CTNNA2: variants seen among roughly 807,000 people sequenced by gnomAD.
CTNNA2 encodes the protein catenin alpha 2.
Under a neutral mutation model 101.0 loss-of-function variants are expected in CTNNA2, and 42 were observed. The observed-to-expected ratio is 0.42, with a 90% CI of 0.32 to 0.54. The LOEUF is 0.54. Ranked by LOEUF, CTNNA2 falls within the 20% of genes least tolerant of loss-of-function variation. CTNNA2 has a pLI of 0.14. For missense variants in CTNNA2, 871 were observed against 1,223.1 expected, an observed-to-expected ratio of 0.71 and a Z score of 4.29; for synonymous variants, 450 against 456.4, an observed-to-expected ratio of 0.99 and a Z score of 0.18.
chr2:79,386,942 G>A (rs2104468438), intron 4 of CTNNA2, among the ~76,000 whole-genome samples: 2 of 152,278 alleles, frequency 1.3e-5, no homozygotes, highest in Admixed American at 1.3e-4. Context: ...CCCACCCATG[G>A]TACTGAGGCC....
intron 2 of CTNNA2, among the ~76,000 whole-genome samples, chr2:79,659,216 T>C (rs1681837305): frequency 6.9e-5 from 2 of 29,074 alleles, no homozygotes; most frequent in East Asian, 2.2e-3. Context: ...CCAGTGCCTC[T>C]TTTTTTTTTT....
intron 7 of CTNNA2, among the ~76,000 whole-genome samples, chr2:79,918,968 A>G (rs72807321): frequency 0.069 from 10,570 of 152,262 alleles, 407 homozygotes; most frequent in Non-Finnish European, 0.084. Context: ...TGGACATGTG[A>G]TGAAGGAGCA....
At chr2:80,193,638 T>A (rs1314800207) in intron 7 of CTNNA2, among the ~76,000 whole-genome samples, 1 of 152,194 alleles carries the variant, frequency 6.6e-6, no homozygotes, top group Non-Finnish European at 1.5e-5. Flanking sequence ...TGCTCTGTGT[T>A]TTTAGAAAAA....
intron 3 of CTNNA2, among the ~76,000 whole-genome samples, chr2:79,767,312 G>A (rs558396317): frequency 9.4e-4 from 143 of 152,016 alleles, no homozygotes; most frequent in African/African-American, 3.1e-3. Context: ...TCTGTCTGAG[G>A]GGTCACATGT....
intron 7 of CTNNA2, among the ~76,000 whole-genome samples, chr2:80,038,002 G>C (rs1695779785): frequency 1.3e-5 from 2 of 152,150 alleles, no homozygotes; most frequent in South Asian, 4.2e-4. Context: ...AATTGGGGGT[G>C]ATGACATGAA....
At position 80,193,712 on chromosome 2, in the gene CTNNA2, T is replaced by G. The variant is rs934415613; in HGVS notation, c.1057-199499T>G. The stretch of plus-strand genomic sequence containing the variant: ...CAATTGGTGGTTTGAGCTCTTATCA[T>G]GTGTAACATTCCTTAGAGCTCCAGG... On this transcript the variant is annotated intron_variant, in intron 7 of 18. Transcript: ENST00000402739. Among the ~76,000 whole-genome samples, 11 of 152,202 alleles carry G rather than the reference T, an allele frequency of 7.2e-5. No homozygotes were observed. The South Asian group carries it at 8.3e-4, about 11-fold the overall frequency.
chr2:79,869,584 A>T (rs1277326596), intron 4 of CTNNA2, among the ~76,000 whole-genome samples: 1 of 152,226 alleles, frequency 6.6e-6, no homozygotes, highest in Non-Finnish European at 1.5e-5. Context: ...AGGATTTTAT[A>T]TGCACCAGGA....
At chr2:79,511,151 A>G (rs1671528786), upstream of CTNNA2, among the ~76,000 whole-genome samples, 3 of 152,188 alleles carry the variant, frequency 2.0e-5, no homozygotes, top group Admixed American at 2.0e-4. Context: ...TTTGACTAGG[A>G]CAACTTTACT....
At chr2:79,398,979 G>A (rs1678260996) in intron 4 of CTNNA2, among the ~76,000 whole-genome samples, 1 of 151,910 alleles carries the variant, frequency 6.6e-6, no homozygotes, top group African/African-American at 2.4e-5. Flanking sequence ...TGCAACTATG[G>A]TAGACTATGA....
intron 1 of CTNNA2, among the ~76,000 whole-genome samples, chr2:79,591,314 T>G (rs1322046159): frequency 6.6e-6 from 1 of 152,232 alleles, no homozygotes; most frequent in Non-Finnish European, 1.5e-5. Flanking sequence ...GTGAAGACTA[T>G]ATTTATAAAT....
At chr2:80,514,108 TA>T (rs1688917899) in intron 9 of CTNNA2, among the ~76,000 whole-genome samples, 1 of 152,222 alleles carries the variant, frequency 6.6e-6, no homozygotes, top group Non-Finnish European at 1.5e-5. Context: ...CTCACTGTGT[TA>T]GGTAACCTGG....
intron 4 of CTNNA2, among the ~76,000 whole-genome samples, chr2:79,486,318 T>C (rs943893629): frequency 1.1e-4 from 16 of 149,328 alleles, no homozygotes; most frequent in Admixed American, 4.7e-4. Flanking sequence ...AGTGAGAACA[T>C]GCGGTGTTTG....
intron 3 of CTNNA2, among the ~76,000 whole-genome samples, chr2:79,361,166 A>G (rs2104446973): frequency 6.6e-6 from 1 of 152,336 alleles, no homozygotes; most frequent in Admixed American, 6.5e-5. Flanking sequence ...CTGCAGTAGA[A>G]TGACTACCTG....
At chr2:80,156,029 G>T (rs951706089) in intron 7 of CTNNA2, among the ~76,000 whole-genome samples, 1 of 152,166 alleles carries the variant, frequency 6.6e-6, no homozygotes, top group Non-Finnish European at 1.5e-5. Flanking sequence ...GATTCAGTAG[G>T]TTGTAGGGTG....
chr2:80,307,665 A>G (rs937376952), intron 7 of CTNNA2, among the ~76,000 whole-genome samples: 3 of 152,162 alleles, frequency 2.0e-5, no homozygotes, highest in Non-Finnish European at 2.9e-5. Flanking sequence ...CAAATGTTGT[A>G]TATTGGATAA....
intron 2 of CTNNA2, among the ~76,000 whole-genome samples, chr2:79,725,834 C>T (rs35541726): frequency 0.2 from 29,934 of 152,104 alleles, 3,112 homozygotes; most frequent in Non-Finnish European, 0.24. Context: ...TGCCTGCCTC[C>T]AGCATCTGTT....
At chr2:79,504,389 A>G (rs759309037) in intron 4 of CTNNA2, among the ~76,000 whole-genome samples, 13 of 152,102 alleles carry the variant, frequency 8.5e-5, no homozygotes, top group Non-Finnish European at 1.6e-4. Context: ...TCCCGGTTTC[A>G]AGCAATTCTT....
At chr2:80,482,938 C>T (rs1428024990) in intron 9 of CTNNA2, among the ~76,000 whole-genome samples, 1 of 152,164 alleles carries the variant, frequency 6.6e-6, no homozygotes, top group African/African-American at 2.4e-5. Flanking sequence ...TTCATTTACA[C>T]TACCTGTCTT....
At chr2:79,926,279 T>C (rs1030242518) in intron 7 of CTNNA2, among the ~76,000 whole-genome samples, 1 of 152,152 alleles carries the variant, frequency 6.6e-6, no homozygotes, top group East Asian at 1.9e-4. Context: ...TAGAGTACGA[T>C]ACTAGAACTC....
Sources: gnomAD v4.1 joint callset for allele counts (sites outside exome capture counted in the v4.1 genomes callset) on GRCh38, gnomAD v4.1.1 for gene constraint, MANE v1.5 for transcripts, NCBI Gene and HGNC (gene_info 2026-07-23, HGNC 2026-07-21) for gene names.